The following P4HA2 variants were observed in gnomAD, a reference collection of about 807,000 sequenced individuals.
P4HA2 encodes prolyl 4-hydroxylase subunit alpha-2.
A neutral mutation model predicts 76.9 loss-of-function variants in P4HA2; 46 were observed. That is an observed-to-expected ratio of 0.60 (90% CI 0.47 to 0.76). P4HA2 has a LOEUF of 0.76. Ranked by LOEUF, P4HA2 falls within the 30% of genes least tolerant of loss-of-function variation. The probability of loss-of-function intolerance (pLI) is 0.00; values close to 1 mark genes in which losing one functional copy is unlikely to be tolerated. For synonymous variants in P4HA2, 243 were observed against 254.0 expected (o/e 0.96, Z 0.41); for missense variants, 583 against 669.4 (o/e 0.87, Z 1.42).
intron 5 of P4HA2, among the ~76,000 whole-genome samples, chr5:132,212,794 A>G (rs752831957): frequency 6.6e-6 from 1 of 152,168 alleles, no homozygotes; most frequent in Non-Finnish European, 1.5e-5. Context: ...CCTATTCAGG[A>G]CACTCATGGG....
Position 132,209,189 on chromosome 5 carries a change from C to T in P4HA2, c.852G>A (p.Leu284=). Residue 284 remains leucine, a synonymous_variant, in exon 7 of 15, where the codon CTG becomes CTA. Transcript: ENST00000360568. The stretch of plus-strand genomic sequence containing the variant: ...GGCTCTCGTAAACATCCCTCTCAGG[C>T]AGGTAGTCCACAGGCCTCTCATAGA... ...EGIYERPVDY[L]PERDVYESLC... The T allele has an allele frequency of 6.2e-7, 1 of 1,614,076 alleles. No homozygotes were observed. The highest frequency in any genetic ancestry group is 8.5e-7 in the Non-Finnish European group (1 of 1,179,976).
chr5:132,213,965 C>T lies in P4HA2; in HGVS notation c.420G>A (p.Gln140=). 6.2e-7 allele frequency: 1 copy of T among 1,614,154 alleles called. No individual in the cohort carries two copies. The highest frequency in any genetic ancestry group is 8.5e-7 in the Non-Finnish European group (1 of 1,179,974). The change falls in exon 5 of 15, where the codon CAG becomes CAA. Residue 140 remains glutamine, a synonymous_variant. Transcript: ENST00000360568. The part of the protein sequence containing the change: ...IGAAKALMRL[Q]DTYRLDPGTI... ...TGCCTGGGTCCAGCCTGTATGTGTCCTGAAGTCTCATCAGGGCTTTGGCAG... is the reference window on the plus strand; with the variant it reads ...TGCCTGGGTCCAGCCTGTATGTGTCTTGAAGTCTCATCAGGGCTTTGGCAG...
At chr5:132,201,249 G>A (rs1259651061) in intron 10 of P4HA2, 1 of 152,232 alleles carries the variant, frequency 6.6e-6, no homozygotes, top group Non-Finnish European at 1.5e-5. Flanking sequence ...TAGAATCCTA[G>A]AGGTGTAGCA....
At chr5:132,208,284 C>T (rs917326283) in intron 7 of P4HA2, among the ~76,000 whole-genome samples, 16 of 133,058 alleles carry the variant, frequency 1.2e-4, no homozygotes, top group African/African-American at 2.9e-4. Flanking sequence ...CAGGGTGAGA[C>T]GAAAGAAAGA....
At chr5:132,194,007 T>C (rs1750230067) in intron 14 of P4HA2, among the ~76,000 whole-genome samples, 1 of 152,302 alleles carries the variant, frequency 6.6e-6, no homozygotes, top group South Asian at 2.1e-4. Flanking sequence ...CCTCTAGCTG[T>C]TTCTTCTGAT....
chr5:132,203,648 A>T, intron 10 of P4HA2, 100 bp downstream of exon 10: 1 of 732,536 alleles, frequency 1.4e-6, no homozygotes, highest in Non-Finnish European at 2.5e-6. Flanking sequence ...GGCAGTAGTC[A>T]TACAGTTGGG....
Position 132,213,857 on chromosome 5 carries a change from C to T in P4HA2, c.469+59G>A, listed in dbSNP as rs551779240. The T allele has an allele frequency of 5.7e-6, 9 of 1,573,518 alleles. No individual in the cohort carries two copies. In the East Asian group the frequency reaches 9.0e-5, roughly 16 times the overall value. On this transcript the variant is annotated intron_variant, in intron 5 of 14. Coordinates refer to ENST00000360568, the MANE Select transcript of P4HA2 (RefSeq NM_001017974.2). ...GGCCACAAGTTGGTGGTGGCTCCAA[C>T]CTGTCCCGCCACTAAAGAGACACAT...
rs143480300 is a variant in P4HA2, at chr5:132,207,720, G to C, written c.1068C>G (p.Ile356Met). The change falls in exon 8 of 15, where the codon ATC (isoleucine) becomes ATG (methionine). Residue 356 changes from isoleucine (I) to methionine (M), a missense_variant. Ile to Met is a conservative substitution (Grantham distance 10, BLOSUM62 1). Transcript: ENST00000360568. Reference protein sequence around the residue: ...SDEEIERIKEIAKPKLARATV... With the variant: ...SDEEIERIKEMAKPKLARATV... ...CAGTGACACCTACTTTAGGTTTTGC[G>C]ATCTCCTTGATCCTCTCGATTTCCT... The C allele has an allele frequency of 1.9e-6, 3 of 1,613,544 alleles. No homozygotes were observed. The highest frequency in any genetic ancestry group is 3.3e-5 in the Admixed American group (2 of 59,974).
In P4HA2 at chr5:132,193,184, C is replaced by T. The variant is rs116025360; in HGVS notation, c.1532-104G>A. 790 of 762,396 alleles carry T rather than the reference C, an allele frequency of 1.0e-3. 6 individuals carry two copies. The African/African-American group carries it at 0.012, about 12-fold the overall frequency. The allele number at this position is 762,396 out of a possible 1,614,324, so 47.2% of individuals were successfully genotyped here. On this transcript the variant is annotated intron_variant, in intron 14 of 14. Transcript: ENST00000360568. ...CCCTGCACTGTGCCCTGGAATCAGA[C>T]ACAAATAAGACAAGACATGATCTCA... is the stretch of plus-strand genomic sequence containing the variant.
chr5:132,200,222 A>G (rs1268764425), intron 10 of P4HA2: 1 of 152,248 alleles, frequency 6.6e-6, no homozygotes, highest in Non-Finnish European at 1.5e-5. Context: ...AAAAAAAGAA[A>G]TGCAAGAAAG....
At chr5:132,201,756 C>G (rs906286223) in intron 10 of P4HA2, 1 of 152,326 alleles carries the variant, frequency 6.6e-6, no homozygotes, top group Non-Finnish European at 1.5e-5. Context: ...AAGATAAAGG[C>G]TGAATTGTAG....
At position 132,214,054 on chromosome 5, in the gene P4HA2, C is replaced by T; in HGVS notation, c.332-1G>A. On this transcript the variant is annotated splice_acceptor_variant, in intron 4 of 14. Transcript: ENST00000360568. LOFTEE classifies it high-confidence loss of function. ...TGCACAGAGAGGTTGGCGATAAAAC[C>T]TTCCAAATGAGAGTCAGAACAAGAG... 1.9e-6 allele frequency: 3 copies of T among 1,613,788 alleles called. No individual in the cohort carries two copies. Among genetic ancestry groups the T allele is most frequent in the Non-Finnish European group, 2.5e-6 (3 of 1,179,892 alleles).
chr5:132,193,130 C>A lies in P4HA2; in HGVS notation c.1532-50G>T, dbSNP rs375994764. On this transcript the variant is annotated intron_variant, in intron 14 of 14. Transcript: ENST00000360568. The stretch of plus-strand genomic sequence containing the variant: ...ACAATCCTATTGGTCAGTTTAGTAG[C>A]CTGAATGAATGACTCCTTCATGATG... The A allele has an allele frequency of 2.3e-6, 3 of 1,305,648 alleles. No individual in the cohort carries two copies. In the Admixed American group the frequency reaches 5.0e-5, roughly 22 times the overall value. The allele number at this position is 1,305,648 out of a possible 1,614,324, so 80.9% of individuals were successfully genotyped here. A position where few individuals can be genotyped will look rare whatever the true frequency, so the allele number is the denominator to read the frequency against.
Position 132,211,849 on chromosome 5 carries a change from A to G in P4HA2, c.470-1326T>C, listed in dbSNP as rs558206753. Among the ~76,000 whole-genome samples, 4 of 152,350 alleles carry G rather than the reference A, an allele frequency of 2.6e-5. No homozygotes were observed. In the East Asian group the frequency reaches 5.8e-4, roughly 22 times the overall value. On this transcript the variant is annotated intron_variant, in intron 5 of 14. Coordinates refer to ENST00000360568, the MANE Select transcript of P4HA2 (RefSeq NM_001017974.2). ...CTTATCTCTAAATAAAGATAATATC[A>G]TCAATTTTAAAGAGCTTGTGGCAAG...
chr5:132,198,762 G>C, intron 11 of P4HA2, 117 bp downstream of exon 11: 1 of 746,586 alleles, frequency 1.3e-6, no homozygotes, highest in South Asian at 1.6e-5. Flanking sequence ...TGCAGAGGTG[G>C]AGGGAGGACA....
chr5:132,210,781 AG>A (rs1752970624), intron 5 of P4HA2, among the ~76,000 whole-genome samples: 1 of 152,152 alleles, frequency 6.6e-6, no homozygotes, highest in African/African-American at 2.4e-5. Flanking sequence ...GGGCCTTTTT[AG>A]GGGGAGCCCC....
In P4HA2 at chr5:132,218,476, C is replaced by A. The variant is rs1234871375; in HGVS notation, c.82+69G>T. ...CTATCCCACTCTAAATGAGAACAGG[C>A]TGCAGCCAGAGACATCCGTGGCATG... is the stretch of plus-strand genomic sequence containing the variant. On this transcript the variant is annotated intron_variant, in intron 2 of 14. Coordinates refer to ENST00000360568, the MANE Select transcript of P4HA2 (RefSeq NM_001017974.2). 5 of 1,089,358 alleles carry A rather than the reference C, an allele frequency of 4.6e-6. No individual in the cohort carries two copies. In the East Asian group the frequency reaches 1.2e-4, roughly 26 times the overall value. The allele number at this position is 1,089,358 out of a possible 1,614,324, so 67.5% of individuals were successfully genotyped here. A position where few individuals can be genotyped will look rare whatever the true frequency, so the allele number is the denominator to read the frequency against.
intron 3 of P4HA2, 31 bp from the exon 4 acceptor site, chr5:132,217,379 G>C: frequency 1.2e-6 from 2 of 1,611,912 alleles, no homozygotes; most frequent in Non-Finnish European, 1.7e-6. Flanking sequence ...GAAGACTAAT[G>C]CGTCCACCCA....
Position 132,209,298 on chromosome 5 carries a change from C to A in P4HA2, c.743G>T (p.Arg248Leu), listed in dbSNP as rs200144298. The change falls in exon 7 of 15, where the codon CGG becomes CTG. Residue 248 changes from arginine to leucine, a missense_variant. By Grantham distance (102) the Arg-to-Leu change is moderately radical (BLOSUM62 -2). Transcript: ENST00000360568. ...TTCCTCCAATAACTGCTCAAAGTACCGCAGATTCCCTCCAGCTCGTTCGTG... is the reference window on the plus strand; with the variant it reads ...TTCCTCCAATAACTGCTCAAAGTACAGCAGATTCCCTCCAGCTCGTTCGTG... ...PSHERAGGNL[R>L]YFEQLLEEER... is the part of the protein sequence containing the mutation. 3.1e-6 allele frequency: 5 copies of A among 1,614,054 alleles called. No individual in the cohort carries two copies. Among genetic ancestry groups the A allele is most frequent in the Non-Finnish European group, 4.2e-6 (5 of 1,179,962 alleles).
Sources: allele counts gnomAD v4.1 joint callset (sites outside exome capture counted in the v4.1 genomes callset), GRCh38; gene constraint gnomAD v4.1.1; transcripts MANE v1.5; gene names NCBI Gene and HGNC (gene_info 2026-07-23, HGNC 2026-07-21).